Variants in PCDHGA2 observed in about 807,000 individuals in gnomAD.
PCDHGA2 encodes protocadherin gamma subfamily A, 2, also known as protocadherin gamma-A2.
In PCDHGA2, 40 loss-of-function variants were observed where a neutral mutation model predicts 59.2. The observed-to-expected ratio is 0.68, with a 90% confidence interval of 0.52 to 0.88. The LOEUF (loss-of-function observed/expected upper bound fraction) is 0.88. Among genes scored for constraint, PCDHGA2 ranks in the 40% least tolerant of loss-of-function variants. The pLI is 0.00. For synonymous variants in PCDHGA2, 560 were observed against 526.0 expected (o/e 1.06, Z -0.89); for missense variants, 1,226 against 1,204.0 (o/e 1.02, Z -0.27).
Position 141,340,548 on chromosome 5 carries a change from G to C in PCDHGA2, c.1577G>C (p.Arg526Pro), listed in dbSNP as rs1453532040. ...ALRSFDYEQL[R>P]DLQVWVIARD... ...CGCTCCTTTGATTATGAGCAGTTGC[G>C]AGACTTGCAAGTGTGGGTGATAGCG... The change falls in exon 1 of 4, where the codon CGA becomes CCA. Residue 526 changes from arginine to proline, a missense_variant. By Grantham distance (103) the Arg-to-Pro change is moderately radical. Transcript: ENST00000394576. 2.5e-6 allele frequency: 4 copies of C among 1,614,122 alleles called. No homozygotes were observed. Among genetic ancestry groups the C allele is most frequent in the Non-Finnish European group, 3.4e-6 (4 of 1,180,062 alleles).
intron 1 of PCDHGA2, chr5:141,410,849 CTTTTTTTT>C (rs759346998): frequency 2.0e-4 from 27 of 138,178 alleles, no homozygotes; most frequent in Middle Eastern, 4.3e-3. Context: ...TTGTCTTTGT[CTTTTTTTT>C]TTTTTTTTTT....
chr5:141,415,717 A>G, intron 1 of PCDHGA2: 1 of 839,652 alleles, frequency 1.2e-6, no homozygotes, highest in Non-Finnish European at 1.8e-6. Flanking sequence ...AACACTGATG[A>G]GTAGAATTTG....
At chr5:141,466,545 T>C (rs2099124777) in intron 1 of PCDHGA2, among the ~76,000 whole-genome samples, 1 of 152,216 alleles carries the variant, frequency 6.6e-6, no homozygotes. Flanking sequence ...AGATGGTCTT[T>C]TGCTGTGGGC....
intron 1 of PCDHGA2, chr5:141,415,748 T>TTG (rs2095929710): frequency 9.9e-7 from 1 of 1,008,886 alleles, no homozygotes; most frequent in South Asian, 2.7e-5. Context: ...AGGTTTTTTT[T>TTG]TTTTTTTTTT....
chr5:141,365,240 C>T, intron 1 of PCDHGA2: 1 of 1,613,976 alleles, frequency 6.2e-7, no homozygotes, highest in Non-Finnish European at 8.5e-7. Context: ...AATCTCAACT[C>T]TACAATCACT....
At chr5:141,459,735 T>A (rs114520602) in intron 1 of PCDHGA2, among the ~76,000 whole-genome samples, 1 of 152,374 alleles carries the variant, frequency 6.6e-6, no homozygotes, top group Non-Finnish European at 1.5e-5. Flanking sequence ...GTCAATTTTT[T>A]AAATTTTAGC....
chr5:141,408,865 A>T (rs765751172), intron 1 of PCDHGA2: 9 of 1,613,684 alleles, frequency 5.6e-6, no homozygotes, highest in Admixed American at 1.7e-5. Flanking sequence ...GGGACCCACC[A>T]AGAAGTGCCA....
intron 1 of PCDHGA2, chr5:141,414,301 C>A (rs199806270): frequency 1.1e-5 from 18 of 1,613,280 alleles, no homozygotes; most frequent in Non-Finnish European, 1.7e-6. Flanking sequence ...TTTAAATGTG[C>A]ATGATTTAGA....
intron 1 of PCDHGA2, among the ~76,000 whole-genome samples, chr5:141,461,126 T>C (rs575819058): frequency 6.6e-6 from 1 of 152,260 alleles, no homozygotes; most frequent in Non-Finnish European, 1.5e-5. Flanking sequence ...TTTCATATAA[T>C]TACTTATTTT....
At chr5:141,433,215 T>A (rs755571112) in intron 1 of PCDHGA2, 1 of 1,568,720 alleles carries the variant, frequency 6.4e-7, no homozygotes, top group South Asian at 1.2e-5. Flanking sequence ...TTTCTTTTTT[T>A]TTTTTAATTG....
chr5:141,456,042 C>T (rs1437027249), intron 1 of PCDHGA2, among the ~76,000 whole-genome samples: 3 of 151,886 alleles, frequency 2.0e-5, no homozygotes, highest in Non-Finnish European at 2.9e-5. Flanking sequence ...GGACTACAGG[C>T]GCCCACCACC....
At chr5:141,388,972 A>G in intron 1 of PCDHGA2, 1 of 1,614,008 alleles carries the variant, frequency 6.2e-7, no homozygotes, top group Non-Finnish European at 8.5e-7. Context: ...CTGGGAACAC[A>G]TATTGCTTTG....
intron 1 of PCDHGA2, among the ~76,000 whole-genome samples, chr5:141,359,061 T>C (rs913516585): frequency 2.0e-5 from 3 of 152,238 alleles, no homozygotes; most frequent in Non-Finnish European, 4.4e-5. Flanking sequence ...ATGCCTCAAT[T>C]TGACTTACAA....
At chr5:141,341,579 C>G in intron 1 of PCDHGA2, 184 bp downstream of exon 1, 1 of 1,212,798 alleles carries the variant, frequency 8.2e-7, no homozygotes, top group Non-Finnish European at 1.1e-6. Context: ...GAAGAAGAGA[C>G]GTGAGAATCT....
chr5:141,478,822 T>A, intron 1 of PCDHGA2: 2 of 1,444,070 alleles, frequency 1.4e-6, no homozygotes, highest in South Asian at 1.5e-5. Context: ...AACTAACCAA[T>A]CTTGCTAAGG....
chr5:141,356,960 T>C (rs1760409535), intron 1 of PCDHGA2: 2 of 1,614,210 alleles, frequency 1.2e-6, no homozygotes, highest in Non-Finnish European at 8.5e-7. Context: ...TCCGGCTACC[T>C]GGTGACCAAA....
At chr5:141,414,570 C>G (rs1253876890) in intron 1 of PCDHGA2, 13 of 1,613,862 alleles carry the variant, frequency 8.1e-6, no homozygotes, top group Non-Finnish European at 1.0e-5. Flanking sequence ...TTACCTATAT[C>G]CCAGAGAACA....
chr5:141,385,102 G>T (rs370391349), intron 1 of PCDHGA2: 1 of 1,614,056 alleles, frequency 6.2e-7, no homozygotes, highest in South Asian at 1.1e-5. Context: ...CTTGGCGAAC[G>T]TGCCCACCTC....
At position 141,476,114 on chromosome 5, in the gene PCDHGA2, G is replaced by C; in HGVS notation, c.2425-18693G>C. 3.8e-6 allele frequency: 6 copies of C among 1,592,296 alleles called. No homozygotes were observed. Among genetic ancestry groups the C allele is most frequent in the Non-Finnish European group, 5.1e-6 (6 of 1,171,536 alleles). On this transcript the variant is annotated intron_variant, in intron 1 of 3. Coordinates refer to ENST00000394576, the MANE Select transcript of PCDHGA2 (RefSeq NM_018915.4). This position sits in a 1 kb window ranked among gnomAD's most constrained non-coding sequence, Gnocchi z 7.6. Reference sequence around the variant, plus strand: ...CCGCTGAGAGGAACTGCTTTTGAGTGAGATGGTCCCAGAGGCCTGGAGGAG... The same window carrying C: ...CCGCTGAGAGGAACTGCTTTTGAGTCAGATGGTCCCAGAGGCCTGGAGGAG...
Sources: gnomAD v4.1 joint callset for allele counts (sites outside exome capture counted in the v4.1 genomes callset) on GRCh38, gnomAD v4.1.1 for gene constraint, Gnocchi (gnomAD v3.1) non-coding constraint, MANE v1.5 for transcripts, NCBI Gene and HGNC (gene_info 2026-07-23, HGNC 2026-07-21) for gene names.